The following MTCL1 variants were observed in gnomAD, a reference collection of about 807,000 sequenced individuals.
MTCL1 encodes microtubule cross-linking factor 1.
In MTCL1, 79 loss-of-function variants were observed where a neutral mutation model predicts 141.4. The ratio of observed to expected loss-of-function variants is 0.56; its 90% confidence interval spans 0.47 to 0.67. MTCL1 has a LOEUF of 0.67. Among genes scored for constraint, MTCL1 ranks in the 30% least tolerant of loss-of-function variants. MTCL1 has a pLI of 0.00. For synonymous variants in MTCL1, 914 were observed against 875.8 expected (o/e 1.04, Z -0.77); for missense variants, 2,177 against 2,113.9 (o/e 1.03, Z -0.59).
At chr18:8,715,587 CAATT>C (rs142475581), upstream of MTCL1, among the ~76,000 whole-genome samples, 1,328 of 152,284 alleles carry the variant, frequency 8.7e-3, 18 homozygotes, top group East Asian at 0.069. Flanking sequence ...CTCAGTGAAA[CAATT>C]AACCTCTTTA....
At chr18:8,777,677 A>T (rs2096516656) in intron 4 of MTCL1, among the ~76,000 whole-genome samples, 156 bp from the exon 4 acceptor site, 1 of 152,200 alleles carries the variant, frequency 6.6e-6, no homozygotes, top group East Asian at 1.9e-4. Flanking sequence ...TCTTGATTCT[A>T]AAGCAAGAAA....
At chr18:8,756,422 T>C (rs1053648734) in intron 4 of MTCL1, among the ~76,000 whole-genome samples, 1 of 149,338 alleles carries the variant, frequency 6.7e-6, no homozygotes, top group Non-Finnish European at 1.5e-5. Context: ...TATGTGTATA[T>C]ATGTGTATAT....
chr18:8,734,457 T>G (rs1367880941), intron 4 of MTCL1, among the ~76,000 whole-genome samples: 3 of 152,212 alleles, frequency 2.0e-5, no homozygotes, highest in African/African-American at 7.2e-5. Flanking sequence ...CCGTGAAGTC[T>G]CCAGCTTGGC....
At chr18:8,790,977 T>C (rs2075702855) in intron 7 of MTCL1, among the ~76,000 whole-genome samples, 1 of 152,154 alleles carries the variant, frequency 6.6e-6, no homozygotes, top group African/African-American at 2.4e-5. Context: ...GTCACGCCAC[T>C]GCACTCCAGC....
At chr18:8,716,584 T>C (rs1346743794), upstream of MTCL1, among the ~76,000 whole-genome samples, 31 of 150,544 alleles carry the variant, frequency 2.1e-4, no homozygotes, top group Admixed American at 2.0e-3. Context: ...TTTTTTTTTT[T>C]TTTTTTGTCT....
intron 4 of MTCL1, among the ~76,000 whole-genome samples, chr18:8,756,642 A>G (rs2096403237): frequency 6.6e-6 from 1 of 152,128 alleles, no homozygotes. Context: ...TGTTGGAGAA[A>G]AGAAAAATTT....
chr18:8,787,159 G>C (rs1291681078), intron 7 of MTCL1: 1 of 152,286 alleles, frequency 6.6e-6, no homozygotes, highest in Non-Finnish European at 1.5e-5. Flanking sequence ...CATAGCTTCA[G>C]AAACTGGGAG....
At chr18:8,728,789 GGC>G (rs1567948626) in intron 4 of MTCL1, among the ~76,000 whole-genome samples, 12 of 44,742 alleles carry the variant, frequency 2.7e-4, no homozygotes, top group Admixed American at 6.4e-4. Context: ...GGAGTGCAGT[GGC>G]GTGATTGATC....
intron 1 of MTCL1, among the ~76,000 whole-genome samples, chr18:8,708,515 A>G (rs11660427): frequency 0.29 from 44,134 of 152,048 alleles, 7,446 homozygotes; most frequent in Non-Finnish European, 0.38. Flanking sequence ...TAAAACAGAA[A>G]TGACTTGGCC....
intron 4 of MTCL1, among the ~76,000 whole-genome samples, chr18:8,761,432 T>C (rs1272843482): frequency 4.6e-5 from 7 of 152,246 alleles, no homozygotes; most frequent in Non-Finnish European, 1.0e-4. Context: ...ATCACCATTA[T>C]CTATTTCAAG....
intron 4 of MTCL1, among the ~76,000 whole-genome samples, chr18:8,773,126 A>G (rs779207563): frequency 2.6e-5 from 4 of 152,190 alleles, no homozygotes; most frequent in Non-Finnish European, 4.4e-5. Context: ...AGGTGCGGTG[A>G]AGAGTATTCT....
chr18:8,711,989 T>G (rs1197443017), intron 1 of MTCL1, among the ~76,000 whole-genome samples: 1 of 152,226 alleles, frequency 6.6e-6, no homozygotes, highest in Non-Finnish European at 1.5e-5. Context: ...AATTATGTTC[T>G]CTGTTTCCAC....
exon 15 of MTCL1, chr18:8,825,961 A>G: frequency 5.0e-6 from 8 of 1,598,570 alleles, no homozygotes; most frequent in Non-Finnish European, 6.8e-6. Flanking sequence ...CCAGGCCAGG[A>G]AACAGGCACC....
Position 8,806,891 on chromosome 18 carries a change from A to G in MTCL1, c.2437-2A>G. ...GTGGAGCCTGACTCAGTGTTCCCGCAGGTGGTGGAAAACCAGCAGCTGTTC... is the reference window on the plus strand; with the variant it reads ...GTGGAGCCTGACTCAGTGTTCCCGCGGGTGGTGGAAAACCAGCAGCTGTTC... On this transcript the variant is annotated splice_acceptor_variant, in intron 10 of 16. Transcript: ENST00000359865. LOFTEE classifies it high-confidence loss of function. The G allele has an allele frequency of 6.2e-7, 1 of 1,612,726 alleles. No individual in the cohort carries two copies.
At chr18:8,793,526 T>G (rs588397) in intron 8 of MTCL1, among the ~76,000 whole-genome samples, 3,566 of 152,328 alleles carry the variant, frequency 0.023, 140 homozygotes, top group African/African-American at 0.082. Flanking sequence ...TTCGGAAAAC[T>G]GCCGCAACTT....
intron 7 of MTCL1, among the ~76,000 whole-genome samples, chr18:8,790,790 A>G (rs28428979): frequency 0.012 from 1,837 of 152,198 alleles, 38 homozygotes; most frequent in African/African-American, 0.042. Flanking sequence ...TGAGGCAGGC[A>G]GATCACTTGA....
rs1405797194 is a variant in MTCL1, at chr18:8,718,719, G to A, written c.198+71G>A. ...CGGCTGGCCACATGCACGTTGCCCT[G>A]GTGTTTTTTCCCTGCTTGTGTCTGT... On this transcript the variant is annotated intron_variant, in intron 3 of 16. Coordinates refer to ENST00000359865, the Ensembl canonical transcript of MTCL1. 7 of 1,428,530 alleles carry A rather than the reference G, an allele frequency of 4.9e-6. No homozygotes were observed. The South Asian group carries it at 5.8e-5, about 12-fold the overall frequency. 88.5% of individuals were successfully genotyped at this position (1,428,530 alleles called of 1,614,324 possible).
chr18:8,751,519 TC>T (rs1368433922), intron 4 of MTCL1, among the ~76,000 whole-genome samples: 2 of 152,236 alleles, frequency 1.3e-5, no homozygotes, highest in African/African-American at 2.4e-5. Flanking sequence ...CTATAGTTTC[TC>T]CCTGGACTGC....
intron 1 of MTCL1, among the ~76,000 whole-genome samples, chr18:8,709,647 T>C (rs952363617): frequency 6.6e-6 from 1 of 152,208 alleles, no homozygotes; most frequent in Admixed American, 6.5e-5. Context: ...TACGTTGCTA[T>C]ATTCTGGAGC....
Sources: allele counts gnomAD v4.1 joint callset (sites outside exome capture counted in the v4.1 genomes callset), GRCh38; gene constraint gnomAD v4.1.1; transcripts MANE v1.5; gene names NCBI Gene and HGNC (gene_info 2026-07-23, HGNC 2026-07-21).